EEIG1: variants seen among roughly 807,000 people sequenced by gnomAD.
The protein encoded by EEIG1 is early estrogen-induced gene 1 protein.
At chr9:127,961,285 GCATGCATGGGGCATGATCC>G in the EEIG1 span, among the ~76,000 whole-genome samples, 1 of 26,308 alleles carries the variant, frequency 3.8e-5, no homozygotes, top group African/African-American at 7.1e-5. Context: ...CAGGCAGGTG[GCATGCATGGGGCATGATCC>G]CATGCATGGG....
At chr9:127,950,435 G>A in the EEIG1 span, 1 of 1,613,884 alleles carries the variant, frequency 6.2e-7, no homozygotes, top group Non-Finnish European at 8.5e-7. Flanking sequence ...TAAGGATGGA[G>A]TTGTCCTGGC....
chr9:127,944,667 A>C, the EEIG1 span: 1 of 1,612,956 alleles, frequency 6.2e-7, no homozygotes, highest in Non-Finnish European at 8.5e-7. Context: ...CGGCTCACGA[A>C]CAGCCGGAGG....
chr9:127,953,786 C>A, the EEIG1 span: 38 of 1,613,880 alleles, frequency 2.4e-5, no homozygotes, highest in East Asian at 7.8e-4. Flanking sequence ...AGCAGCCCCA[C>A]ATGCGCCCTT....
the EEIG1 span, among the ~76,000 whole-genome samples, chr9:127,955,150 C>G: frequency 2.0e-5 from 3 of 152,318 alleles, no homozygotes; most frequent in African/African-American, 7.2e-5. Flanking sequence ...GCCAAGGGGA[C>G]AGCTAAGGAA....
At chr9:127,948,044 G>A in the EEIG1 span, 2 of 1,595,386 alleles carry the variant, frequency 1.3e-6, no homozygotes, top group East Asian at 2.2e-5. Flanking sequence ...GCTAGCAGGG[G>A]AGGGGCGGAC....
the EEIG1 span, chr9:127,963,763 G>A: frequency 1.3e-5 from 2 of 152,288 alleles, no homozygotes; most frequent in Non-Finnish European, 2.9e-5. Flanking sequence ...ATGCATCCAC[G>A]AGGACTGACT....
the EEIG1 span, chr9:127,954,003 C>T: frequency 1.3e-6 from 2 of 1,565,668 alleles, no homozygotes; most frequent in Non-Finnish European, 1.7e-6. Context: ...AGGGACATGG[C>T]ACTCCCCATT....
the EEIG1 span, chr9:127,942,899 G>T: frequency 1.0e-5 from 5 of 478,170 alleles, no homozygotes; most frequent in Admixed American, 3.4e-5. Flanking sequence ...GTCCTTGCCA[G>T]CTCCTTCTTG....
At chr9:127,980,780 A>G in the EEIG1 span, among the ~76,000 whole-genome samples, 3 of 149,388 alleles carry the variant, frequency 2.0e-5, no homozygotes, top group Non-Finnish European at 4.5e-5. Context: ...GGGCCTCCTC[A>G]GGGCAGGCAC....
the EEIG1 span, among the ~76,000 whole-genome samples, chr9:127,972,107 G>A: frequency 7.9e-5 from 12 of 152,128 alleles, no homozygotes; most frequent in African/African-American, 2.4e-5. The surrounding 1 kb of genome is among the most constrained non-coding windows in gnomAD (Gnocchi z 4.3). Flanking sequence ...TCCCAGAGCC[G>A]GCTGTGCAGA....
At chr9:127,968,561 C>A in the EEIG1 span, among the ~76,000 whole-genome samples, 2 of 152,172 alleles carry the variant, frequency 1.3e-5, no homozygotes, top group African/African-American at 2.4e-5. Flanking sequence ...CGTAAGGGCT[C>A]CCCTAAGCCT....
the EEIG1 span, among the ~76,000 whole-genome samples, chr9:127,963,336 G>A: frequency 6.6e-6 from 1 of 152,254 alleles, no homozygotes; most frequent in East Asian, 1.9e-4. Context: ...TGGCAGGGCT[G>A]GCCGCCCGCC....
the EEIG1 span, chr9:127,944,634 C>T: frequency 1.7e-5 from 28 of 1,611,764 alleles, no homozygotes; most frequent in Non-Finnish European, 2.1e-5. Flanking sequence ...AGCTGGATGC[C>T]GCTCAGCGTG....
the EEIG1 span, among the ~76,000 whole-genome samples, chr9:127,969,901 C>A: frequency 0.77 from 117,351 of 151,900 alleles, 46,689 homozygotes; most frequent in Non-Finnish European, 0.87. Flanking sequence ...CCCAGCACCA[C>A]CCAAAAGTGT....
chr9:127,950,601 C>T, the EEIG1 span: 4 of 1,585,150 alleles, frequency 2.5e-6, no homozygotes, highest in African/African-American at 5.4e-5. Context: ...CTGGCGGAAG[C>T]CCAGAAGGGT....
At chr9:127,950,285 G>A in the EEIG1 span, 1 of 811,068 alleles carries the variant, frequency 1.2e-6, no homozygotes, top group South Asian at 1.7e-5. Flanking sequence ...CTGATTCCAG[G>A]GCTCGCCCCT....
the EEIG1 span, among the ~76,000 whole-genome samples, chr9:127,960,988 AAC>A: frequency 0.62 from 89,655 of 145,040 alleles, 29,819 homozygotes; most frequent in Non-Finnish European, 0.77. Context: ...GTAAAAAAAA[AAC>A]CACAGCAGCA....
the EEIG1 span, among the ~76,000 whole-genome samples, chr9:127,951,376 G>A: frequency 8.5e-5 from 13 of 152,252 alleles, no homozygotes; most frequent in South Asian, 6.2e-4. Flanking sequence ...GAACCCAACC[G>A]AACCAATCAG....
the EEIG1 span, among the ~76,000 whole-genome samples, chr9:127,968,580 C>T: frequency 6.6e-6 from 1 of 152,212 alleles, no homozygotes; most frequent in Non-Finnish European, 1.5e-5. Flanking sequence ...CTTCTTGTGC[C>T]ACCTTCATGG....
Sources: allele counts gnomAD v4.1 joint callset (sites outside exome capture counted in the v4.1 genomes callset), GRCh38; gene constraint gnomAD v4.1.1; non-coding constraint Gnocchi (gnomAD v3.1); transcripts MANE v1.5; gene names NCBI Gene and HGNC (gene_info 2026-07-23, HGNC 2026-07-21).